CCDC138: variants seen among roughly 807,000 people sequenced by gnomAD.
CCDC138 encodes the protein coiled-coil domain containing 138.
CCDC138 carries 66 observed loss-of-function variants against 82.3 expected under a neutral mutation model. That is an observed-to-expected ratio of 0.80 (90% CI 0.66 to 0.98). The LOEUF (loss-of-function observed/expected upper bound fraction) is 0.98, where lower values mean the gene tolerates loss of function less well. Among genes scored for constraint, CCDC138 ranks in the 50% least tolerant of loss-of-function variants. CCDC138 has a pLI of 0.00. For missense variants in CCDC138, 816 were observed against 758.9 expected (o/e 1.08, Z -0.88); for synonymous variants, 297 against 265.4 (o/e 1.12, Z -1.16).
intron 12 of CCDC138, among the ~76,000 whole-genome samples, chr2:108,853,842 TATATATATACTATATATATA>T (rs953997761): frequency 3.0e-5 from 4 of 133,176 alleles, no homozygotes; most frequent in East Asian, 2.0e-4. Flanking sequence ...CTATATGCAA[TATATATATACTATATATATA>T]ATATATATAC....
intron 12 of CCDC138, among the ~76,000 whole-genome samples, chr2:108,853,924 T>C (rs1473703838): frequency 7.8e-5 from 9 of 115,254 alleles, no homozygotes; most frequent in African/African-American, 3.4e-4. Flanking sequence ...GTATATATAT[T>C]ATATATAATT....
chr2:108,838,232 G>T (rs996825566), intron 10 of CCDC138, among the ~76,000 whole-genome samples: 1 of 152,138 alleles, frequency 6.6e-6, no homozygotes, highest in Non-Finnish European at 1.5e-5. Context: ...GCACTTTGCT[G>T]TATCTAAGAA....
At chr2:108,883,688 G>C (rs890656873) in intron 2 of CCDC138, 1 of 152,200 alleles carries the variant, frequency 6.6e-6, no homozygotes, top group Admixed American at 6.5e-5. Flanking sequence ...TTCTTGCTGG[G>C]CTTGGCCAGT....
chr2:108,874,572 C>T (rs964285612), intron 14 of CCDC138, among the ~76,000 whole-genome samples: 4 of 152,044 alleles, frequency 2.6e-5, no homozygotes, highest in Admixed American at 6.5e-5. Context: ...CCATGATTCC[C>T]GTGGTAGAGA....
At position 108,794,721 on chromosome 2, in the gene CCDC138, G is replaced by T. The variant is rs769143288; in HGVS notation, c.576G>T (p.Gln192His). 5.6e-6 allele frequency: 9 copies of T among 1,600,980 alleles called. No homozygotes were observed. The Admixed American group carries it at 1.3e-4, about 24-fold the overall frequency. Reference protein sequence around the residue: ...DELFQIHLKLQCETAAQQKFA... With the variant: ...DELFQIHLKLHCETAAQQKFA... Reference sequence around the variant, plus strand: ...TATTTCAGATACATCTGAAATTGCAGGTAAGAACTAAATACTGAATCGAGA... The same window carrying T: ...TATTTCAGATACATCTGAAATTGCATGTAAGAACTAAATACTGAATCGAGA... Residue 192 changes from glutamine (Q) to histidine (H), a missense_variant and splice_region_variant, in exon 5 of 15, where the codon CAG (glutamine) becomes CAT (histidine). Gln to His is a conservative substitution (Grantham distance 24). Coordinates refer to ENST00000295124, the MANE Select transcript of CCDC138 (RefSeq NM_144978.3).
At chr2:108,830,198 A>G (rs1037262208) in intron 10 of CCDC138, among the ~76,000 whole-genome samples, 1 of 152,186 alleles carries the variant, frequency 6.6e-6, no homozygotes, top group South Asian at 2.1e-4. Flanking sequence ...TGCATGCAGT[A>G]CCTAGAATAG....
intron 13 of CCDC138, among the ~76,000 whole-genome samples, chr2:108,869,125 T>C (rs1372131661): frequency 6.6e-6 from 1 of 152,086 alleles, no homozygotes; most frequent in African/African-American, 2.4e-5. Context: ...GACTAGGATG[T>C]TGCAGGTGCT....
intron 10 of CCDC138, among the ~76,000 whole-genome samples, chr2:108,819,301 A>G (rs914615897): frequency 2.6e-5 from 4 of 152,194 alleles, no homozygotes; most frequent in South Asian, 2.1e-4. Flanking sequence ...GCGCAGTGCA[A>G]CCAGGAGGAA....
chr2:108,876,352 C>T lies in CCDC138; in HGVS notation c.*99C>T, dbSNP rs1240692233. 3 of 615,878 alleles carry T rather than the reference C, an allele frequency of 4.9e-6. No homozygotes were observed. Among genetic ancestry groups the T allele is most frequent in the Admixed American group, 2.9e-5 (1 of 34,926 alleles). The allele number at this position is 615,878 out of a possible 1,614,324, so 38.2% of individuals were successfully genotyped here. ...TTCTACCAAGTAAAGTTATCAGTAG[C>T]ATCATTTATCATGAAAAATAAATAA... On this transcript the variant is annotated 3_prime_UTR_variant, in exon 15 of 15. Coordinates refer to ENST00000295124, the MANE Select transcript of CCDC138 (RefSeq NM_144978.3).
At chr2:108,832,451 G>A (rs1418094099) in intron 10 of CCDC138, among the ~76,000 whole-genome samples, 4 of 148,964 alleles carry the variant, frequency 2.7e-5, no homozygotes, top group Non-Finnish European at 3.0e-5. Context: ...AAGTTCAAGC[G>A]ATTCTCCTGC....
intron 13 of CCDC138, among the ~76,000 whole-genome samples, chr2:108,863,421 T>C (rs1003024068): frequency 6.6e-6 from 1 of 152,182 alleles, no homozygotes; most frequent in Non-Finnish European, 1.5e-5. Flanking sequence ...TTTAGATGTG[T>C]GGTGTTTTCA....
At chr2:108,839,964 C>T (rs924582551) in intron 11 of CCDC138, among the ~76,000 whole-genome samples, 6 of 151,920 alleles carry the variant, frequency 3.9e-5, no homozygotes, top group African/African-American at 1.4e-4. Flanking sequence ...GAGGAAAATT[C>T]ATTCTGCCAT....
chr2:108,816,324 G>A (rs1008662169), intron 10 of CCDC138, among the ~76,000 whole-genome samples: 1 of 152,086 alleles, frequency 6.6e-6, no homozygotes, highest in East Asian at 1.9e-4. Context: ...TTTGGCACGT[G>A]CCTGTAATCT....
At chr2:108,809,658 C>A (rs1483494716) in intron 7 of CCDC138, among the ~76,000 whole-genome samples, 1 of 152,044 alleles carries the variant, frequency 6.6e-6, no homozygotes, top group Non-Finnish European at 1.5e-5. Context: ...GGAAATGCTA[C>A]TGATTTTTGT....
rs115847251 is a variant in CCDC138, at chr2:108,848,671, A to G, written c.1516+1741A>G. Among the ~76,000 whole-genome samples, 682 of 152,334 alleles carry G rather than the reference A, an allele frequency of 4.5e-3. 4 individuals carry two copies. Among genetic ancestry groups the G allele is most frequent in the African/African-American group, 0.016 (659 of 41,580 alleles). ...GGAAATTTATGTGGAAAAATTTGCA[A>G]CAAATGCGATGATTTATAACAAGTA... On this transcript the variant is annotated intron_variant, in intron 12 of 14. Coordinates refer to ENST00000295124, the MANE Select transcript of CCDC138 (RefSeq NM_144978.3).
chr2:108,860,519 TTTTTTTTATCCTAAAGAGATGTTGGA>T (rs1306178738), intron 13 of CCDC138, among the ~76,000 whole-genome samples: 1 of 152,022 alleles, frequency 6.6e-6, no homozygotes, highest in African/African-American at 2.4e-5. Flanking sequence ...TGAGGTTTTT[TTTTTTTTATCCTAAAGAGATGTTGGA>T]TTTTATCTCA....
chr2:108,861,633 G>A lies in CCDC138; in HGVS notation c.1693+4663G>A, dbSNP rs1450492878. 4.6e-5 allele frequency among the ~76,000 whole-genome samples: 7 copies of A among 151,770 alleles called. No homozygotes were observed. In the East Asian group the frequency reaches 9.7e-4, roughly 21 times the overall value. On this transcript the variant is annotated intron_variant, in intron 13 of 14. Transcript: ENST00000295124. ...GTAGCTGGGACTACAGGTGCACACC[G>A]CCACACCTAGCTAATTTTTGCATTT...
intron 12 of CCDC138, among the ~76,000 whole-genome samples, chr2:108,852,046 T>A (rs1178272551): frequency 6.6e-6 from 1 of 152,140 alleles, no homozygotes; most frequent in Non-Finnish European, 1.5e-5. Context: ...CTTCCTGAGA[T>A]AACCAAAGAA....
intron 13 of CCDC138, among the ~76,000 whole-genome samples, chr2:108,872,312 A>G (rs1217517685): frequency 6.6e-6 from 1 of 152,092 alleles, no homozygotes; most frequent in Non-Finnish European, 1.5e-5. Context: ...ATTCCATCCC[A>G]GTACCCCAAA....
Sources: gnomAD v4.1 joint callset for allele counts (sites outside exome capture counted in the v4.1 genomes callset) on GRCh38, gnomAD v4.1.1 for gene constraint, MANE v1.5 for transcripts, NCBI Gene and HGNC (gene_info 2026-07-23, HGNC 2026-07-21) for gene names.